Variants in PHF24 observed in about 807,000 individuals in gnomAD.
PHF24 encodes PHD finger protein 24.
A neutral mutation model predicts 42.6 loss-of-function variants in PHF24; 25 were observed. That is an observed-to-expected ratio of 0.59 (90% CI 0.43 to 0.82). The LOEUF is 0.82. Among genes scored for constraint, PHF24 ranks in the 40% least tolerant of loss-of-function variants. PHF24 has a pLI of 0.00. For missense variants in PHF24, 470 were observed against 538.1 expected (o/e 0.87, Z 1.25); for synonymous variants, 185 against 204.8 (o/e 0.90, Z 0.83).
chr9:34,963,955 T>C (rs926227524), intron 1 of PHF24, among the ~76,000 whole-genome samples: 5 of 152,226 alleles, frequency 3.3e-5, no homozygotes, highest in African/African-American at 1.2e-4. Context: ...CCCAGTCATC[T>C]CTGCATCATT....
chr9:34,973,094 T>G (rs1827062961), intron 3 of PHF24, among the ~76,000 whole-genome samples: 1 of 152,060 alleles, frequency 6.6e-6, no homozygotes. Context: ...AGCATACATC[T>G]CAATGTGAAG....
At chr9:34,728,998 G>A in the PHF24 span, among the ~76,000 whole-genome samples, 218 of 152,128 alleles carry the variant, frequency 1.4e-3, 1 homozygote, top group African/African-American at 4.6e-3. Flanking sequence ...CCCACCAACC[G>A]GAAAAATCCC....
At chr9:34,951,984 C>T in the PHF24 span, among the ~76,000 whole-genome samples, 12 of 152,156 alleles carry the variant, frequency 7.9e-5, no homozygotes, top group African/African-American at 2.2e-4. Flanking sequence ...CCCCTAAGAT[C>T]GGATGTCTGC....
the PHF24 span, among the ~76,000 whole-genome samples, chr9:34,828,525 G>A: frequency 3.3e-5 from 5 of 152,050 alleles, no homozygotes; most frequent in African/African-American, 9.7e-5. Context: ...CCTTGAATAC[G>A]TGATTATACT....
the PHF24 span, among the ~76,000 whole-genome samples, chr9:34,791,366 G>C: frequency 6.6e-6 from 1 of 152,190 alleles, no homozygotes; most frequent in African/African-American, 2.4e-5. Flanking sequence ...TGAGATGGGG[G>C]ACACTGCAGA....
chr9:34,679,449 A>G, the PHF24 span, among the ~76,000 whole-genome samples: 1 of 152,228 alleles, frequency 6.6e-6, no homozygotes, highest in Non-Finnish European at 1.5e-5. Flanking sequence ...TCACTATAGC[A>G]TTAAGGCCCC....
chr9:34,701,252 C>A, the PHF24 span, among the ~76,000 whole-genome samples: 3 of 152,144 alleles, frequency 2.0e-5, no homozygotes, highest in East Asian at 5.8e-4. The surrounding 1 kb of genome is among the most constrained non-coding windows in gnomAD (Gnocchi z 5.8). Flanking sequence ...GCAGGGGAGT[C>A]AACCAAGTTC....
chr9:34,771,116 A>C, the PHF24 span, among the ~76,000 whole-genome samples: 2 of 152,238 alleles, frequency 1.3e-5, no homozygotes, highest in South Asian at 4.1e-4. Flanking sequence ...TTTGTCTCGA[A>C]GTAAATAAAT....
the PHF24 span, among the ~76,000 whole-genome samples, chr9:34,897,017 G>A: frequency 6.6e-6 from 1 of 152,098 alleles, no homozygotes; most frequent in Non-Finnish European, 1.5e-5. Context: ...TTAGCCAAGT[G>A]TAGTGCTGGG....
At chr9:34,784,192 G>A in the PHF24 span, among the ~76,000 whole-genome samples, 1,329 of 152,264 alleles carry the variant, frequency 8.7e-3, 34 homozygotes, top group Admixed American at 0.045. Context: ...TGGTGGAGGC[G>A]TCTTGCCTAG....
the PHF24 span, among the ~76,000 whole-genome samples, chr9:34,935,735 T>TGG: frequency 5.8e-5 from 7 of 120,988 alleles, no homozygotes; most frequent in African/African-American, 1.5e-4. Context: ...TATTTGTGTG[T>TGG]GGGGGGGGGG....
chr9:34,920,376 T>C, the PHF24 span, among the ~76,000 whole-genome samples: 1 of 152,310 alleles, frequency 6.6e-6, no homozygotes, highest in East Asian at 1.9e-4. Context: ...TATGTGTCTG[T>C]TTTTATGCCA....
At chr9:34,839,136 A>G in the PHF24 span, among the ~76,000 whole-genome samples, 12 of 152,170 alleles carry the variant, frequency 7.9e-5, no homozygotes, top group African/African-American at 2.4e-4. Flanking sequence ...GAGATTGTAA[A>G]TGCTGCAATC....
the PHF24 span, among the ~76,000 whole-genome samples, chr9:34,782,047 G>T: frequency 6.6e-6 from 1 of 152,200 alleles, no homozygotes; most frequent in Non-Finnish European, 1.5e-5. Flanking sequence ...GGGTACATGA[G>T]CTAGCTCTGG....
intron 1 of PHF24, among the ~76,000 whole-genome samples, chr9:34,968,533 T>G (rs1826859211): frequency 2.0e-5 from 3 of 152,220 alleles, no homozygotes; most frequent in Non-Finnish European, 4.4e-5. Flanking sequence ...GGTGGTTCTT[T>G]CCTTTCCTAT....
chr9:34,850,684 A>G, the PHF24 span, among the ~76,000 whole-genome samples: 556 of 152,196 alleles, frequency 3.7e-3, 1 homozygote, highest in African/African-American at 0.013. Context: ...TCTGCTTTTT[A>G]GAGTTTCCAG....
the PHF24 span, chr9:34,833,784 G>A: frequency 6.4e-7 from 1 of 1,551,228 alleles, no homozygotes; most frequent in Non-Finnish European, 8.7e-7. Flanking sequence ...TGAGGGCATG[G>A]CCCAAGACTT....
At chr9:34,970,489 C>G (rs1001759123) in intron 1 of PHF24, among the ~76,000 whole-genome samples, 17 of 152,268 alleles carry the variant, frequency 1.1e-4, no homozygotes, top group African/African-American at 3.4e-4. Flanking sequence ...TTTGTGTGAC[C>G]TTGACCACAT....
At chr9:34,769,075 A>G in the PHF24 span, among the ~76,000 whole-genome samples, 1 of 152,224 alleles carries the variant, frequency 6.6e-6, no homozygotes, top group African/African-American at 2.4e-5. Context: ...AAAATATGTA[A>G]AACCTTTTTG....
Sources: allele counts gnomAD v4.1 joint callset (sites outside exome capture counted in the v4.1 genomes callset), GRCh38; gene constraint gnomAD v4.1.1; non-coding constraint Gnocchi (gnomAD v3.1); transcripts MANE v1.5; gene names NCBI Gene and HGNC (gene_info 2026-07-23, HGNC 2026-07-21).